The following DIAPH2 variants were observed in gnomAD, a reference collection of about 807,000 sequenced individuals.
The protein encoded by DIAPH2 is protein diaphanous homolog 2.
In DIAPH2, 35 loss-of-function variants were observed where a neutral mutation model predicts 92.7. The observed-to-expected ratio is 0.38, with a 90% CI of 0.29 to 0.50. The LOEUF (loss-of-function observed/expected upper bound fraction) is 0.50. Among genes scored for constraint, DIAPH2 ranks in the 20% least tolerant of loss-of-function variants. The pLI is 0.94. For missense variants in DIAPH2, 701 were observed against 819.5 expected, an observed-to-expected ratio of 0.86 and a Z score of 1.77; for synonymous variants, 301 against 280.4, an observed-to-expected ratio of 1.07 and a Z score of -0.73.
chrX:97,507,526 C>G (rs767991612), intron 26 of DIAPH2, among the ~76,000 whole-genome samples: 10 of 111,285 alleles, frequency 9.0e-5, no homozygotes, highest in Non-Finnish European at 1.1e-4. Flanking sequence ...TATCTAGCCT[C>G]CTTATGAGAG....
In DIAPH2 at chrX:97,066,382, T is replaced by C. The variant is rs190575222; in HGVS notation, c.2051-6559T>C. On this transcript the variant is annotated intron_variant, in intron 17 of 26. Coordinates refer to ENST00000324765, the MANE Select transcript of DIAPH2 (RefSeq NM_006729.5). ...AGTACAGTAACATGCTGTACAGGTTTGTAGCCTAGGAGCAATAGGCTACTA... is the reference window on the plus strand; with the variant it reads ...AGTACAGTAACATGCTGTACAGGTTCGTAGCCTAGGAGCAATAGGCTACTA... Among the ~76,000 whole-genome samples, 10 of 112,662 alleles carry C rather than the reference T, an allele frequency of 8.9e-5. No homozygotes were observed. The East Asian group carries it at 2.8e-3, about 31-fold the overall frequency.
At chrX:96,967,542 C>G (rs956116071) in intron 17 of DIAPH2, among the ~76,000 whole-genome samples, 1 of 109,658 alleles carries the variant, frequency 9.1e-6, no homozygotes, top group African/African-American at 3.3e-5. Context: ...ACCTCAGCTT[C>G]CCGAGTATCT....
At chrX:97,001,736 G>C (rs1232767821) in intron 17 of DIAPH2, among the ~76,000 whole-genome samples, 1 of 111,605 alleles carries the variant, frequency 9.0e-6, no homozygotes, top group Non-Finnish European at 1.9e-5. Context: ...AATTCTCTCT[G>C]TATCTTTTTT....
chrX:96,987,837 A>C lies in DIAPH2; in HGVS notation c.2050+22630A>C, dbSNP rs907609823. Among the ~76,000 whole-genome samples the C allele has an allele frequency of 3.6e-5, 4 of 111,220 alleles. No homozygotes were observed. The East Asian group carries it at 1.1e-3, about 31-fold the overall frequency. On this transcript the variant is annotated intron_variant, in intron 17 of 26. Coordinates refer to ENST00000324765, the MANE Select transcript of DIAPH2 (RefSeq NM_006729.5). ...ATGGGAATAGAGAAGACAACAGTTGAGTATCCAATAAGAGAAAAACCAAGA... is the reference window on the plus strand; with the variant it reads ...ATGGGAATAGAGAAGACAACAGTTGCGTATCCAATAAGAGAAAAACCAAGA...
intron 26 of DIAPH2, among the ~76,000 whole-genome samples, chrX:97,571,650 T>G (rs917465469): frequency 9.0e-6 from 1 of 111,022 alleles, no homozygotes; most frequent in African/African-American, 3.3e-5. Context: ...GGCTGGTTTT[T>G]TTTTTCATCT....
chrX:96,709,324 G>A (rs1019189131), intron 1 of DIAPH2, among the ~76,000 whole-genome samples: 1 of 111,991 alleles, frequency 8.9e-6, no homozygotes, highest in African/African-American at 3.2e-5. Flanking sequence ...GATGAAATGT[G>A]TGAGGCAAAA....
intron 4 of DIAPH2, among the ~76,000 whole-genome samples, chrX:96,817,406 CA>C (rs910685299): frequency 2.7e-5 from 3 of 110,256 alleles, no homozygotes; most frequent in Admixed American, 9.7e-5. Flanking sequence ...CTTCCAGGAT[CA>C]AAAAAAGAAG....
At chrX:96,980,820 T>C (rs1279169275) in intron 17 of DIAPH2, among the ~76,000 whole-genome samples, 6 of 109,519 alleles carry the variant, frequency 5.5e-5, no homozygotes, top group Non-Finnish European at 9.5e-5. Flanking sequence ...TGTACACTTA[T>C]GTTCCCGTGA....
intron 17 of DIAPH2, among the ~76,000 whole-genome samples, chrX:97,024,926 G>A (rs1421838871): frequency 2.7e-5 from 3 of 111,939 alleles, no homozygotes; most frequent in African/African-American, 3.2e-5. Flanking sequence ...GATGGGGGTC[G>A]GAGTGTTGTT....
chrX:96,869,359 C>T (rs1421726699), intron 4 of DIAPH2, among the ~76,000 whole-genome samples: 1 of 110,122 alleles, frequency 9.1e-6, no homozygotes, highest in Non-Finnish European at 1.9e-5. Flanking sequence ...GTCAGGAGTT[C>T]GAGACCAGCC....
chrX:97,046,084 T>C (rs944705670), intron 17 of DIAPH2, among the ~76,000 whole-genome samples: 24 of 108,356 alleles, frequency 2.2e-4, no homozygotes, highest in African/African-American at 8.1e-4. Context: ...CTCGAACTCC[T>C]GACCTCAGTT....
intron 25 of DIAPH2, among the ~76,000 whole-genome samples, chrX:97,415,034 TG>T (rs1328004532): frequency 3.7e-5 from 4 of 108,069 alleles, no homozygotes; most frequent in African/African-American, 1.4e-4. Flanking sequence ...CATCAAAAAG[TG>T]GGCAAAGGAT....
chrX:97,521,268 C>G (rs146972165), intron 26 of DIAPH2, among the ~76,000 whole-genome samples: 46 of 112,213 alleles, frequency 4.1e-4, no homozygotes, highest in African/African-American at 1.5e-3. Context: ...TTACAAGTTA[C>G]CCAGTCTATG....
intron 4 of DIAPH2, among the ~76,000 whole-genome samples, chrX:96,765,193 G>GTTTT (rs142407154): frequency 2.2e-4 from 18 of 83,229 alleles, no homozygotes; most frequent in Admixed American, 4.2e-4. Flanking sequence ...ATATTCACAT[G>GTTTT]TTTTTTTTTT....
At chrX:96,949,687 C>CAAAAAAAA (rs1167294262) in intron 15 of DIAPH2, among the ~76,000 whole-genome samples, 476 of 40,063 alleles carry the variant, frequency 0.012, no homozygotes, top group Middle Eastern at 0.021. Context: ...ACTAAAAATA[C>CAAAAAAAA]AAAAAAAAAA....
intron 22 of DIAPH2, among the ~76,000 whole-genome samples, chrX:97,161,051 G>GTTT (rs533317066): frequency 4.5e-5 from 4 of 88,941 alleles, no homozygotes; most frequent in Admixed American, 1.3e-4. Flanking sequence ...TTGTTTTTTT[G>GTTT]TTTTTTTTTT....
chrX:96,821,902 C>T (rs1339118788), intron 4 of DIAPH2, among the ~76,000 whole-genome samples: 1 of 111,857 alleles, frequency 8.9e-6, no homozygotes, highest in African/African-American at 3.2e-5. Context: ...TCTTTTTCTA[C>T]AGCTCTATAA....
chrX:97,348,235 A>T lies in DIAPH2; in HGVS notation c.2964A>T (p.Ile988=). ...YFIFDSKTVS[I]EEFFGDLNNF... ...TTTTTGACTCAAAGACAGTGAGCAT[A>T]GAAGAGTTCTTTGGTGATCTCAACA... Residue 988 remains isoleucine, a synonymous_variant, in exon 24 of 27, where the codon ATA becomes ATT. Coordinates refer to ENST00000324765, the MANE Select transcript of DIAPH2 (RefSeq NM_006729.5). 1 of 1,209,907 alleles carries T rather than the reference A, an allele frequency of 8.3e-7. No homozygotes were observed. The highest frequency in any genetic ancestry group is 1.1e-6 in the Non-Finnish European group (1 of 894,923).
At chrX:97,154,455 G>A (rs1278273532) in intron 22 of DIAPH2, among the ~76,000 whole-genome samples, 1 of 111,624 alleles carries the variant, frequency 9.0e-6, no homozygotes, top group Non-Finnish European at 1.9e-5. Context: ...TAATGGGAAG[G>A]TCAATTATTA....
Sources: gnomAD v4.1 joint callset for allele counts (sites outside exome capture counted in the v4.1 genomes callset) on GRCh38, gnomAD v4.1.1 for gene constraint, MANE v1.5 for transcripts, NCBI Gene and HGNC (gene_info 2026-07-23, HGNC 2026-07-21) for gene names.